The following BTRC variants were observed in gnomAD, a reference collection of about 807,000 sequenced individuals.
BTRC encodes the protein beta-transducin repeat containing E3 ubiquitin protein ligase, also known as F-box/WD repeat-containing protein 1A.
BTRC carries 42 observed loss-of-function variants against 85.5 expected under a neutral mutation model. The ratio of observed to expected loss-of-function variants is 0.49; its 90% CI spans 0.38 to 0.64. The LOEUF (loss-of-function observed/expected upper bound fraction) is 0.64. Among genes scored for constraint, BTRC ranks in the 30% least tolerant of loss-of-function variants. BTRC has a pLI of 0.00. For synonymous variants in BTRC, 255 were observed against 263.3 expected (o/e 0.97, Z 0.30); for missense variants, 594 against 743.5 (o/e 0.80, Z 2.34).
chr10:101,356,084 C>A lies in BTRC; in HGVS notation c.48+1856C>A, dbSNP rs183538041. On this transcript the variant is annotated intron_variant, in intron 1 of 14. Transcript: ENST00000370187. ...CCCAGGCTGGAGTGCAGTGGTGCAG[C>A]CTCCGCCTCCTGGGTTCAAGCGATT... Among the ~76,000 whole-genome samples the A allele has an allele frequency of 1.5e-3, 223 of 152,202 alleles. 5 individuals carry two copies. The East Asian group carries it at 0.036, about 24-fold the overall frequency.
At chr10:101,366,964 A>G (rs1942451698) in intron 1 of BTRC, among the ~76,000 whole-genome samples, 1 of 44,422 alleles carries the variant, frequency 2.3e-5, no homozygotes, top group South Asian at 4.9e-4. Flanking sequence ...ATATATTTAT[A>G]TAAATATATA....
intron 1 of BTRC, among the ~76,000 whole-genome samples, chr10:101,374,424 C>T (rs1942729735): frequency 2.0e-5 from 3 of 151,224 alleles, no homozygotes; most frequent in African/African-American, 7.3e-5. Context: ...AAATGTGGCA[C>T]ATATACACCA....
chr10:101,473,850 G>A (rs1261714160), intron 3 of BTRC, among the ~76,000 whole-genome samples: 3 of 151,558 alleles, frequency 2.0e-5, no homozygotes, highest in Admixed American at 6.6e-5. Flanking sequence ...CTCCTGCCTC[G>A]GCTTCCCAAA....
At chr10:101,380,839 G>T (rs1942910427) in intron 1 of BTRC, among the ~76,000 whole-genome samples, 1 of 152,142 alleles carries the variant, frequency 6.6e-6, no homozygotes, top group South Asian at 2.1e-4. Flanking sequence ...AAGTGGTTGT[G>T]TGAGCTTCAC....
chr10:101,472,274 C>CTT (rs1564793128), intron 3 of BTRC, among the ~76,000 whole-genome samples: 1 of 144,702 alleles, frequency 6.9e-6, no homozygotes, highest in Admixed American at 6.9e-5. Context: ...CTTTTCTTTT[C>CTT]CTCTCTTCTC....
chr10:101,540,390 G>A (rs1421458440), intron 13 of BTRC, among the ~76,000 whole-genome samples: 1 of 152,066 alleles, frequency 6.6e-6, no homozygotes, highest in Non-Finnish European at 1.5e-5. Flanking sequence ...CTGTCCTTTC[G>A]AAATGCTTTT....
intron 1 of BTRC, among the ~76,000 whole-genome samples, chr10:101,406,279 C>T (rs1943618086): frequency 1.3e-5 from 2 of 151,094 alleles, no homozygotes; most frequent in Non-Finnish European, 2.9e-5. Context: ...CGGGTTCATG[C>T]CATTCTCCTG....
At chr10:101,409,075 G>T (rs35464935) in intron 1 of BTRC, among the ~76,000 whole-genome samples, 1 of 151,896 alleles carries the variant, frequency 6.6e-6, no homozygotes. Flanking sequence ...AACAAAAAAA[G>T]CCACACAAAA....
intron 4 of BTRC, among the ~76,000 whole-genome samples, chr10:101,520,892 G>T (rs945719895): frequency 1.3e-5 from 2 of 152,154 alleles, no homozygotes; most frequent in African/African-American, 2.4e-5. Context: ...CCGCCTGGGA[G>T]GTGGAAGTTG....
intron 4 of BTRC, among the ~76,000 whole-genome samples, chr10:101,503,569 T>A (rs1204780537): frequency 6.6e-6 from 1 of 152,194 alleles, no homozygotes; most frequent in Admixed American, 6.5e-5. Context: ...TCCCTTGATG[T>A]TCCCAGGGTT....
chr10:101,455,983 A>ACACACACACACACACACAC (rs1554881061), intron 2 of BTRC, among the ~76,000 whole-genome samples: 235 of 96,024 alleles, frequency 2.4e-3, no homozygotes, highest in South Asian at 4.0e-3. Flanking sequence ...CTCTACTAAA[A>ACACACACACACACACACAC]ACACACACAC....
In BTRC at chr10:101,496,712, AT is replaced by A. The variant is rs918660606; in HGVS notation, c.324+17263del. On this transcript the variant is annotated intron_variant, in intron 4 of 14. Transcript: ENST00000370187. Reference sequence around the variant, plus strand: ...TCTCTGAACACTATTAAAATTGAGCATTTTTTTTATGTTGATTGGCCATTTG... The same window carrying A: ...TCTCTGAACACTATTAAAATTGAGCATTTTTTTATGTTGATTGGCCATTTG... Among the ~76,000 whole-genome samples the A allele has an allele frequency of 1.2e-4, 18 of 151,924 alleles. No individual in the cohort carries two copies. In the East Asian group the frequency reaches 1.7e-3, roughly 15 times the overall value.
intron 13 of BTRC, among the ~76,000 whole-genome samples, chr10:101,548,802 C>A (rs1206591026): frequency 1.3e-5 from 2 of 151,742 alleles, no homozygotes; most frequent in Non-Finnish European, 2.9e-5. Flanking sequence ...GGCCTGTAAT[C>A]CCAACACTTT....
At chr10:101,389,115 GTGTGT>G (rs1484756076) in intron 1 of BTRC, among the ~76,000 whole-genome samples, 2,528 of 35,248 alleles carry the variant, frequency 0.072, 375 homozygotes, top group African/African-American at 0.091. Context: ...GATTTTTTGT[GTGTGT>G]TTTTTTTTTT....
At chr10:101,521,590 T>A in intron 4 of BTRC, 49 bp from the exon 5 acceptor site, 1 of 1,337,724 alleles carries the variant, frequency 7.5e-7, no homozygotes, top group Non-Finnish European at 1.0e-6. Context: ...TATATTTCCC[T>A]CATTTTCAAT....
At chr10:101,371,896 A>G (rs1199154535) in intron 1 of BTRC, among the ~76,000 whole-genome samples, 1 of 152,048 alleles carries the variant, frequency 6.6e-6, no homozygotes, top group Non-Finnish European at 1.5e-5. Context: ...TGAGGGAGGC[A>G]CACCTCACAC....
At chr10:101,511,287 G>A (rs1326610106) in intron 4 of BTRC, among the ~76,000 whole-genome samples, 1 of 151,366 alleles carries the variant, frequency 6.6e-6, no homozygotes, top group Non-Finnish European at 1.5e-5. Context: ...CTTCTATCTA[G>A]AAGGATCTTC....
At chr10:101,409,630 T>C (rs971378794) in intron 1 of BTRC, among the ~76,000 whole-genome samples, 1 of 152,202 alleles carries the variant, frequency 6.6e-6, no homozygotes, top group Non-Finnish European at 1.5e-5. Context: ...CTGAATATTG[T>C]AGGCAGTTGT....
At position 101,527,761 on chromosome 10, in the gene BTRC, G is replaced by GTCTC. The variant is rs5787436; in HGVS notation, c.743+1589_743+1592dup. 2.7e-3 allele frequency among the ~76,000 whole-genome samples: 388 copies of GTCTC among 142,500 alleles called. 4 individuals carry two copies. Among genetic ancestry groups the GTCTC allele is most frequent in the South Asian group, 0.019 (83 of 4,310 alleles). The allele number at this position is 142,500 out of a possible 152,430, so 93.5% of individuals were successfully genotyped here. The stretch of plus-strand genomic sequence containing the variant: ...AGAGCAAGACCCTGTCTCTTTCTCT[G>GTCTC]TCTCTCTCTCTCTCTCTCTCTCTCT... On this transcript the variant is annotated intron_variant, in intron 6 of 14. Coordinates refer to ENST00000370187, the MANE Select transcript of BTRC (RefSeq NM_033637.4).
Sources: allele counts gnomAD v4.1 joint callset (sites outside exome capture counted in the v4.1 genomes callset), GRCh38; gene constraint gnomAD v4.1.1; transcripts MANE v1.5; gene names NCBI Gene and HGNC (gene_info 2026-07-23, HGNC 2026-07-21).